KLRG1: variants seen among roughly 807,000 people sequenced by gnomAD.
KLRG1 encodes the protein killer cell lectin-like receptor subfamily G member 1.
KLRG1 carries 16 observed loss-of-function variants against 21.8 expected under a neutral mutation model. The ratio of observed to expected loss-of-function variants is 0.73; its 90% confidence interval spans 0.50 to 1.11. The LOEUF (loss-of-function observed/expected upper bound fraction) is 1.11, where lower values mean the gene tolerates loss of function less well. Ranked by LOEUF, KLRG1 falls within the 50% of genes most tolerant of loss-of-function variation. The pLI is 0.00. For synonymous variants in KLRG1, 69 were observed against 75.9 expected (o/e 0.91, Z 0.47); for missense variants, 173 against 218.3 (o/e 0.79, Z 1.31).
At chr12:8,963,367 C>T (rs1946411358) in intron 1 of KLRG1, among the ~76,000 whole-genome samples, 4 of 152,210 alleles carry the variant, frequency 2.6e-5, no homozygotes, top group Admixed American at 2.6e-4. Context: ...ACCAGCCTTG[C>T]ATCCCAGAGA....
the KLRG1 span, chr12:9,104,429 T>C: frequency 1.3e-6 from 2 of 1,558,342 alleles, no homozygotes; most frequent in East Asian, 2.4e-5. Flanking sequence ...GGATTAGTTA[T>C]ATTGGTAATA....
the KLRG1 span, chr12:9,067,819 G>A: frequency 6.2e-7 from 1 of 1,612,812 alleles, no homozygotes; most frequent in Non-Finnish European, 8.5e-7. Context: ...CAGCCTTGTG[G>A]TCTTCAAGCA....
the KLRG1 span, among the ~76,000 whole-genome samples, chr12:9,081,274 C>T: frequency 2.6e-5 from 4 of 151,846 alleles, no homozygotes; most frequent in Non-Finnish European, 5.9e-5. Flanking sequence ...AAAACAACAG[C>T]AAAATTTTTT....
the KLRG1 span, among the ~76,000 whole-genome samples, chr12:9,187,267 A>T: frequency 6.6e-6 from 1 of 152,132 alleles, no homozygotes; most frequent in African/African-American, 2.4e-5. Flanking sequence ...CACTCCACAG[A>T]CAGTATTAGA....
At chr12:9,158,698 G>A in the KLRG1 span, 1 of 885,318 alleles carries the variant, frequency 1.1e-6, no homozygotes, top group Non-Finnish European at 1.6e-6. Context: ...CTGTTACTGA[G>A]AGTTTGGAGA....
the KLRG1 span, chr12:9,099,655 A>T: frequency 1.8e-6 from 2 of 1,112,522 alleles, no homozygotes; most frequent in Non-Finnish European, 2.5e-6. Context: ...CTTTAGAAAA[A>T]AACCCTATCA....
chr12:9,098,446 AT>A, the KLRG1 span: 70,340 of 434,708 alleles, frequency 0.16, 8,301 homozygotes, highest in African/African-American at 0.22. Flanking sequence ...ATATATATAT[AT>A]ATAATTCCTT....
At chr12:9,123,423 C>G in the KLRG1 span, among the ~76,000 whole-genome samples, 1 of 152,030 alleles carries the variant, frequency 6.6e-6, no homozygotes, top group Non-Finnish European at 1.5e-5. Context: ...TGAACATAAG[C>G]CCTGCAGTAT....
At chr12:9,181,015 T>C in the KLRG1 span, 2 of 1,613,970 alleles carry the variant, frequency 1.2e-6, no homozygotes, top group Admixed American at 1.7e-5. Flanking sequence ...TCAGGCTTCA[T>C]GAGCAGCACA....
intron 2 of KLRG1, among the ~76,000 whole-genome samples, chr12:8,993,330 T>C (rs1269305943): frequency 6.6e-6 from 1 of 152,070 alleles, no homozygotes; most frequent in Non-Finnish European, 1.5e-5. Context: ...GCAATGTTGT[T>C]TGGGCTGGAG....
At chr12:9,023,508 A>G in the KLRG1 span, among the ~76,000 whole-genome samples, 1 of 152,002 alleles carries the variant, frequency 6.6e-6, no homozygotes, top group African/African-American at 2.4e-5. Flanking sequence ...TAGAAATTTT[A>G]TAATTTTAGG....
chr12:9,207,884 G>A, the KLRG1 span, among the ~76,000 whole-genome samples: 40,212 of 152,010 alleles, frequency 0.26, 5,565 homozygotes, highest in Admixed American at 0.38. Flanking sequence ...AAATAAAGGA[G>A]CTATACTTTC....
the KLRG1 span, among the ~76,000 whole-genome samples, chr12:9,122,456 A>T: frequency 6.6e-6 from 1 of 152,202 alleles, no homozygotes; most frequent in Non-Finnish European, 1.5e-5. Context: ...TAGGAAAGAT[A>T]AAGTTGTTTG....
chr12:9,142,819 C>T, the KLRG1 span, among the ~76,000 whole-genome samples: 1 of 152,122 alleles, frequency 6.6e-6, no homozygotes, highest in Non-Finnish European at 1.5e-5. Context: ...ACTTATTTAC[C>T]TCTAATTCCA....
chr12:9,088,012 T>C, the KLRG1 span, among the ~76,000 whole-genome samples: 1 of 152,166 alleles, frequency 6.6e-6, no homozygotes, highest in Non-Finnish European at 1.5e-5. Flanking sequence ...ATTTATATTA[T>C]AGGCTTAAAA....
chr12:9,104,351 A>C, the KLRG1 span: 2 of 1,606,762 alleles, frequency 1.2e-6, no homozygotes, highest in South Asian at 2.2e-5. Context: ...TCCTCTGATG[A>C]ATATGACTTT....
chr12:9,157,383 A>T, the KLRG1 span: 21 of 1,596,706 alleles, frequency 1.3e-5, no homozygotes, highest in African/African-American at 4.0e-5. Context: ...GGTTGTGTCA[A>T]ACTAGGGTGA....
the KLRG1 span, chr12:9,202,629 C>A: frequency 1.7e-5 from 27 of 1,613,866 alleles, no homozygotes; most frequent in Non-Finnish European, 2.3e-5. Context: ...TTGCGTAGGC[C>A]CCTTTATCTG....
the KLRG1 span, among the ~76,000 whole-genome samples, chr12:9,211,537 T>G: frequency 6.6e-6 from 1 of 152,230 alleles, no homozygotes; most frequent in African/African-American, 2.4e-5. Context: ...TCTTGCATCT[T>G]ACTGAGCATC....
Sources: allele counts gnomAD v4.1 joint callset (sites outside exome capture counted in the v4.1 genomes callset), GRCh38; gene constraint gnomAD v4.1.1; transcripts MANE v1.5; gene names NCBI Gene and HGNC (gene_info 2026-07-23, HGNC 2026-07-21).